LRP2BP: variants seen among roughly 807,000 people sequenced by gnomAD.
The protein encoded by LRP2BP is LRP2-binding protein.
In LRP2BP, 38 loss-of-function variants were observed where a neutral mutation model predicts 45.2. That is an observed-to-expected ratio of 0.84 (90% CI 0.65 to 1.10). The LOEUF (loss-of-function observed/expected upper bound fraction) is 1.10, where lower values mean the gene tolerates loss of function less well. LRP2BP is among the 50% of genes least tolerant of loss of function. The probability of loss-of-function intolerance (pLI) is 0.00; values close to 1 mark genes in which losing one functional copy is unlikely to be tolerated. For missense variants in LRP2BP, 385 were observed against 418.9 expected (o/e 0.92, Z 0.71); for synonymous variants, 153 against 153.9 (o/e 0.99, Z 0.04).
intron 1 of LRP2BP, chr4:185,378,607 C>T (rs1247301018): frequency 1.8e-5 from 18 of 991,702 alleles, no homozygotes; most frequent in African/African-American, 5.2e-5. Flanking sequence ...ACTCATCGGA[C>T]GAATCCATTT....
At chr4:185,369,227 CT>C (rs35543353) in intron 8 of LRP2BP, among the ~76,000 whole-genome samples, 24,190 of 100,688 alleles carry the variant, frequency 0.24, 1,297 homozygotes, top group African/African-American at 0.35. Context: ...ATACAGAGAG[CT>C]TTTTTTTTTT....
chr4:185,391,708 G>C (rs1374101797), intron 1 of LRP2BP, among the ~76,000 whole-genome samples: 1 of 152,076 alleles, frequency 6.6e-6, no homozygotes, highest in Non-Finnish European at 1.5e-5. Flanking sequence ...ACTACACGAT[G>C]CTCTAGGCTC....
upstream of LRP2BP, chr4:185,396,394 C>CAAA (rs2095502952): frequency 6.5e-6 from 1 of 153,004 alleles, no homozygotes; most frequent in African/African-American, 2.4e-5. Flanking sequence ...CCGGCAGAGC[C>CAAA]AAAACCTGCA....
Position 185,371,379 on chromosome 4 carries a change from AAAG to A in LRP2BP, c.804-568_804-566del, listed in dbSNP as rs559981224. Reference sequence around the variant, plus strand: ...ATGGTGAAACCCCGTCTCTACTAAAAAAGATACAAAAAATTAGCTGGGCATGGT... The same window carrying A: ...ATGGTGAAACCCCGTCTCTACTAAAAATACAAAAAATTAGCTGGGCATGGT... On this transcript the variant is annotated intron_variant, in intron 7 of 8. Transcript: ENST00000505916. Among the ~76,000 whole-genome samples the A allele has an allele frequency of 9.3e-3, 1,419 of 152,028 alleles. 18 individuals carry two copies. Among genetic ancestry groups the A allele is most frequent in the African/African-American group, 0.033 (1,359 of 41,444 alleles).
rs2095377494 is a variant in LRP2BP at position 185,363,947 on chromosome 4, C to G, written c.*3233G>C. 6.5e-6 allele frequency: 1 copy of G among 153,320 alleles called. No individual in the cohort carries two copies. The highest frequency in any genetic ancestry group is 2.4e-5 in the African/African-American group (1 of 41,344). The allele number at this position is 153,320 out of a possible 1,614,324, so 9.5% of individuals were successfully genotyped here. A position where few individuals can be genotyped will look rare whatever the true frequency, so the allele number is the denominator to read the frequency against. On this transcript the variant is annotated 3_prime_UTR_variant, in exon 9 of 9. Coordinates refer to ENST00000505916, the MANE Select transcript of LRP2BP (RefSeq NM_001377440.1). This position sits in a 1 kb window ranked among gnomAD's most constrained non-coding sequence, Gnocchi z 4.2. ...TTTCCCATAGTTTGAGCATTCAAAG[C>G]AATAAAATATAAAAATGAATCACAG...
At chr4:185,396,206 G>C (rs1458069100), upstream of LRP2BP, 1 of 152,264 alleles carries the variant, frequency 6.6e-6, no homozygotes, top group Non-Finnish European at 1.5e-5. Flanking sequence ...ATCCCCTCGA[G>C]TTCGCGCTCG....
intron 1 of LRP2BP, among the ~76,000 whole-genome samples, chr4:185,380,683 C>T (rs2095453370): frequency 6.6e-6 from 1 of 152,196 alleles, no homozygotes. Flanking sequence ...TCACAGGTTT[C>T]AGGAGTTAGC....
In LRP2BP at chr4:185,395,079, C is replaced by T; in HGVS notation, c.-322G>A. ...TACTAAAGTCAAGTCAGATATCCAG[C>T]TGAGATACAACTTTTTTTTCTGAAA... is the stretch of plus-strand genomic sequence containing the variant. On this transcript the variant is annotated 5_prime_UTR_variant, in exon 1 of 9. Transcript: ENST00000505916. 3.2e-6 allele frequency: 3 copies of T among 939,830 alleles called. No homozygotes were observed. The highest frequency in any genetic ancestry group is 3.7e-6 in the Non-Finnish European group (3 of 809,340). 58.2% of individuals were successfully genotyped at this position (939,830 alleles called of 1,614,324 possible).
In LRP2BP at chr4:185,377,411, G is replaced by A. The variant is rs572520114; in HGVS notation, c.107-393C>T. The A allele has an allele frequency of 3.0e-5, 5 of 166,852 alleles. No homozygotes were observed. In the South Asian group the frequency reaches 6.5e-4, roughly 22 times the overall value. 10.3% of individuals were successfully genotyped at this position (166,852 alleles called of 1,614,324 possible). A position where few individuals can be genotyped will look rare whatever the true frequency, so the allele number is the denominator to read the frequency against. On this transcript the variant is annotated intron_variant, in intron 2 of 8. Coordinates refer to ENST00000505916, the MANE Select transcript of LRP2BP (RefSeq NM_001377440.1). ...TGCATGCCTATAATCCCAGCTACTC[G>A]GGAGACTCAGGCAGGAGAATAGCTT...
intron 6 of LRP2BP, 114 bp downstream of exon 6, chr4:185,374,021 A>T (rs17884285): frequency 1.2e-6 from 1 of 830,514 alleles, no homozygotes; most frequent in Non-Finnish European, 1.9e-6. Flanking sequence ...CTTTACATTT[A>T]AAGGAACTAT....
chr4:185,395,664 C>CTTA lies in LRP2BP; in HGVS notation c.-908_-907insTAA. ...ATGCTTAAAACTACCCCTTGGGTAA[C>CTTA]TAAGTATAACAACATAAACTTGCGA... On this transcript the variant is annotated 5_prime_UTR_variant, in exon 1 of 9. An upstream open reading frame in the 5' UTR gains an earlier in-frame stop. Coordinates refer to ENST00000505916, the MANE Select transcript of LRP2BP (RefSeq NM_001377440.1). The CTTA allele has an allele frequency of 1.0e-6, 1 of 984,762 alleles. No individual in the cohort carries two copies. The highest frequency in any genetic ancestry group is 1.2e-6 in the Non-Finnish European group (1 of 829,320). 61.0% of individuals were successfully genotyped at this position (984,762 alleles called of 1,614,324 possible).
At chr4:185,386,388 T>C (rs902529202) in intron 1 of LRP2BP, among the ~76,000 whole-genome samples, 19 of 152,136 alleles carry the variant, frequency 1.2e-4, no homozygotes, top group African/African-American at 4.6e-4. Flanking sequence ...AAATATAAAC[T>C]ATGTGGGAAT....
rs868781360 is a variant in LRP2BP, at chr4:185,365,959, A to G, written c.*1221T>C. 8 of 152,214 alleles carry G rather than the reference A, an allele frequency of 5.3e-5. No homozygotes were observed. Among genetic ancestry groups the G allele is most frequent in the African/African-American group, 1.2e-4 (5 of 41,456 alleles). The allele number at this position is 152,214 out of a possible 1,614,324, so 9.4% of individuals were successfully genotyped here. A position where few individuals can be genotyped will look rare whatever the true frequency, so the allele number is the denominator to read the frequency against. ...AGAGCAAATACTTTTCTGCCATTCA[A>G]CAGTTCTTAGTGACTATCACCTCCA... is the stretch of plus-strand genomic sequence containing the variant. On this transcript the variant is annotated 3_prime_UTR_variant, in exon 9 of 9. Coordinates refer to ENST00000505916, the MANE Select transcript of LRP2BP (RefSeq NM_001377440.1).
chr4:185,375,487 A>AAAAAATATATATATAT (rs1554018308), intron 4 of LRP2BP, 126 bp downstream of exon 4: 1 of 12,016 alleles, frequency 8.3e-5, no homozygotes, highest in Non-Finnish European at 1.5e-4. Flanking sequence ...AAAAAAAAAA[A>AAAAAATATATATATAT]ATATATATAT....
chr4:185,367,549 G>A (rs1320621448), intron 8 of LRP2BP, among the ~76,000 whole-genome samples: 2 of 152,146 alleles, frequency 1.3e-5, no homozygotes, highest in East Asian at 3.8e-4. Context: ...AAAATGGAGA[G>A]CATTAACATT....
At position 185,363,909 on chromosome 4, in the gene LRP2BP, T is replaced by G. The variant is rs1157043666; in HGVS notation, c.*3271A>C. On this transcript the variant is annotated 3_prime_UTR_variant, in exon 9 of 9. Coordinates refer to ENST00000505916, the MANE Select transcript of LRP2BP (RefSeq NM_001377440.1). The surrounding 1 kb of genome is among the most constrained non-coding windows in gnomAD (Gnocchi z 4.2). The stretch of plus-strand genomic sequence containing the variant: ...TATTGTGAAGATTTTATTGTCTTTA[T>G]TTTTACCAAAGATTTCCCATAGTTT... 6.5e-6 allele frequency: 1 copy of G among 153,664 alleles called. No individual in the cohort carries two copies. The highest frequency in any genetic ancestry group is 1.9e-4 in the East Asian group (1 of 5,234). 9.5% of individuals were successfully genotyped at this position (153,664 alleles called of 1,614,324 possible).
intron 8 of LRP2BP, among the ~76,000 whole-genome samples, chr4:185,368,105 G>A (rs758294933): frequency 2.0e-5 from 3 of 152,178 alleles, no homozygotes; most frequent in Non-Finnish European, 4.4e-5. Flanking sequence ...GTGAACCTGG[G>A]AGGCGGAGCT....
At chr4:185,392,448 G>T (rs1449535957) in intron 1 of LRP2BP, among the ~76,000 whole-genome samples, 1 of 152,156 alleles carries the variant, frequency 6.6e-6, no homozygotes, top group Non-Finnish European at 1.5e-5. Flanking sequence ...AGTTATCAAG[G>T]CTGGAAGAAT....
At chr4:185,393,827 C>T (rs535268491) in intron 1 of LRP2BP, among the ~76,000 whole-genome samples, 1 of 152,268 alleles carries the variant, frequency 6.6e-6, no homozygotes, top group East Asian at 1.9e-4. Context: ...CCGCGCCTGA[C>T]CCTCAAGAGT....
Sources: allele counts gnomAD v4.1 joint callset (sites outside exome capture counted in the v4.1 genomes callset), GRCh38; gene constraint gnomAD v4.1.1; non-coding constraint Gnocchi (gnomAD v3.1); transcripts MANE v1.5; gene names NCBI Gene and HGNC (gene_info 2026-07-23, HGNC 2026-07-21).